The following TRIM2 variants were observed in gnomAD, a reference collection of about 807,000 sequenced individuals.
TRIM2 encodes the protein tripartite motif containing 2, also known as tripartite motif-containing protein 2.
A neutral mutation model predicts 75.2 loss-of-function variants in TRIM2; 20 were observed. The ratio of observed to expected loss-of-function variants is 0.27; its 90% CI spans 0.19 to 0.39. The LOEUF (loss-of-function observed/expected upper bound fraction) is 0.39, where lower values mean the gene tolerates loss of function less well. Ranked by LOEUF, TRIM2 falls within the 10% of genes least tolerant of loss-of-function variation. The pLI is 1.00. For synonymous variants in TRIM2, 373 were observed against 388.3 expected (o/e 0.96, Z 0.46); for missense variants, 660 against 990.8 (o/e 0.67, Z 4.48).
intron 1 of TRIM2, among the ~76,000 whole-genome samples, chr4:153,175,567 A>G (rs1218231509): frequency 6.6e-6 from 1 of 152,166 alleles, no homozygotes; most frequent in African/African-American, 2.4e-5. Flanking sequence ...GTTGAATAGC[A>G]GGAGGAAGGC....
At chr4:153,273,548 C>T (rs890502448) in intron 2 of TRIM2, among the ~76,000 whole-genome samples, 1 of 150,924 alleles carries the variant, frequency 6.6e-6, no homozygotes, top group African/African-American at 2.5e-5. Flanking sequence ...CCGCCTTGGC[C>T]TCCCAGAGTG....
chr4:153,166,505 C>T (rs574701497), intron 1 of TRIM2, among the ~76,000 whole-genome samples: 1 of 151,528 alleles, frequency 6.6e-6, no homozygotes, highest in Non-Finnish European at 1.5e-5. Context: ...CCCTCCCTCC[C>T]TCTTTTCTTT....
chr4:153,333,476 A>G (rs933563632), intron 11 of TRIM2, among the ~76,000 whole-genome samples: 5 of 152,334 alleles, frequency 3.3e-5, no homozygotes, highest in Non-Finnish European at 7.3e-5. Context: ...GTGTGGTACC[A>G]TAATTATAGA....
intron 3 of TRIM2, among the ~76,000 whole-genome samples, chr4:153,283,912 C>G (rs1185270854): frequency 7.1e-6 from 1 of 141,322 alleles, no homozygotes; most frequent in Non-Finnish European, 1.5e-5. Flanking sequence ...GCTCTGCTGC[C>G]CAGGCTGGAA....
At chr4:153,312,417 A>C (rs1258183398) in intron 6 of TRIM2, among the ~76,000 whole-genome samples, 1 of 152,084 alleles carries the variant, frequency 6.6e-6, no homozygotes, top group Non-Finnish European at 1.5e-5. Context: ...GACACTTCTC[A>C]AAAGAAGACA....
chr4:153,215,877 T>C (rs6851753), intron 1 of TRIM2, among the ~76,000 whole-genome samples: 1 of 152,232 alleles, frequency 6.6e-6, no homozygotes, highest in African/African-American at 2.4e-5. Context: ...TATTTGTTTT[T>C]TCATCTGTAA....
At chr4:153,226,416 C>T (rs1742141383) in intron 1 of TRIM2, among the ~76,000 whole-genome samples, 1 of 152,214 alleles carries the variant, frequency 6.6e-6, no homozygotes, top group Non-Finnish European at 1.5e-5. Context: ...GGTTTTGCTT[C>T]TGTCTTAACT....
At chr4:153,252,500 G>GA (rs745399741) in intron 1 of TRIM2, among the ~76,000 whole-genome samples, 1 of 152,184 alleles carries the variant, frequency 6.6e-6, no homozygotes, top group Non-Finnish European at 1.5e-5. Context: ...GGATCAAAGA[G>GA]AAAATCTATG....
At chr4:153,202,852 A>G (rs1002279210), upstream of TRIM2, among the ~76,000 whole-genome samples, 6 of 152,048 alleles carry the variant, frequency 3.9e-5, no homozygotes, top group Non-Finnish European at 5.9e-5. Flanking sequence ...CACACCTGTA[A>G]TCCCAGCACT....
intron 1 of TRIM2, among the ~76,000 whole-genome samples, chr4:153,158,656 G>A (rs1320458267): frequency 6.6e-6 from 1 of 152,132 alleles, no homozygotes; most frequent in African/African-American, 2.4e-5. Context: ...GTGTCAGGTG[G>A]AGTGCTAGAC....
chr4:153,244,153 GTTC>G lies in TRIM2; in HGVS notation c.31-26156_31-26154del, dbSNP rs751441750. The stretch of plus-strand genomic sequence containing the variant: ...TCTTCTTCTTCTTCTTGTTCTTCTT[GTTC>G]TTCTTCTTCTTCTTCTTCTTCTTCT... On this transcript the variant is annotated intron_variant, in intron 1 of 11. Coordinates refer to ENST00000338700, the MANE Select transcript of TRIM2 (RefSeq NM_015271.5). Among the ~76,000 whole-genome samples the G allele has an allele frequency of 7.2e-3, 804 of 111,354 alleles. 15 individuals carry two copies. Among genetic ancestry groups the G allele is most frequent in the South Asian group, 0.044 (117 of 2,656 alleles). 73.1% of individuals were successfully genotyped at this position (111,354 alleles called of 152,430 possible). A position where few individuals can be genotyped will look rare whatever the true frequency, so the allele number is the denominator to read the frequency against.
In TRIM2 at chr4:153,248,098, C is replaced by T. The variant is rs141910733; in HGVS notation, c.31-22237C>T. Among the ~76,000 whole-genome samples the T allele has an allele frequency of 9.4e-3, 1,410 of 150,460 alleles. 18 individuals are homozygous for T. Among genetic ancestry groups the T allele is most frequent in the African/African-American group, 0.03 (1,239 of 40,738 alleles). On this transcript the variant is annotated intron_variant, in intron 1 of 11. Coordinates refer to ENST00000338700, the MANE Select transcript of TRIM2 (RefSeq NM_015271.5). The surrounding 1 kb of genome is among the most constrained non-coding windows in gnomAD (Gnocchi z 4.0). The stretch of plus-strand genomic sequence containing the variant: ...GGCGCGTCCGCCTCTGGGATTCAAG[C>T]GATTCTTGTGCTTCAGCCTCCTGAA...
In TRIM2 at chr4:153,304,167, G is replaced by T. The variant is rs186269488; in HGVS notation, c.1510+8131G>T. On this transcript the variant is annotated intron_variant, in intron 6 of 11. Coordinates refer to ENST00000338700, the MANE Select transcript of TRIM2 (RefSeq NM_015271.5). Reference sequence around the variant, plus strand: ...CTTGCTCTGTTGCCCAGGCCGAAGTGCAGTGACATGATCTCAGCTCACTTT... The same window carrying T: ...CTTGCTCTGTTGCCCAGGCCGAAGTTCAGTGACATGATCTCAGCTCACTTT... Among the ~76,000 whole-genome samples, 259 of 152,168 alleles carry T rather than the reference G, an allele frequency of 1.7e-3. 1 individual carries two copies. The highest frequency in any genetic ancestry group is 3.1e-3 in the Non-Finnish European group (214 of 68,010).
chr4:153,238,651 T>G (rs1745643006), intron 1 of TRIM2, among the ~76,000 whole-genome samples: 1 of 152,164 alleles, frequency 6.6e-6, no homozygotes, highest in Admixed American at 6.5e-5. Context: ...TTTTAAGTCT[T>G]TTAAAGAAGA....
At chr4:153,204,420 T>C, upstream of TRIM2, 2 of 1,299,630 alleles carry the variant, frequency 1.5e-6, no homozygotes, top group East Asian at 2.5e-5. Context: ...GTTTATATTT[T>C]AGTAAGGGCC....
At chr4:153,305,918 C>T (rs527900911) in intron 6 of TRIM2, among the ~76,000 whole-genome samples, 9 of 152,182 alleles carry the variant, frequency 5.9e-5, no homozygotes, top group Admixed American at 2.0e-4. Context: ...GGGCAGATCA[C>T]GAGGTCAGGA....
intron 1 of TRIM2, among the ~76,000 whole-genome samples, chr4:153,235,549 G>A (rs1744807330): frequency 6.6e-6 from 1 of 152,162 alleles, no homozygotes. Context: ...GCCTCCCAAA[G>A]TGCTGGGATT....
intron 1 of TRIM2, among the ~76,000 whole-genome samples, chr4:153,154,806 G>C (rs866681575): frequency 1.4e-4 from 22 of 152,132 alleles, no homozygotes; most frequent in African/African-American, 5.3e-4. Flanking sequence ...ATTGATGTCT[G>C]TCTGCCTCAA....
chr4:153,320,121 C>T (rs1178689320), intron 8 of TRIM2, among the ~76,000 whole-genome samples: 1 of 152,160 alleles, frequency 6.6e-6, no homozygotes, highest in African/African-American at 2.4e-5. Flanking sequence ...TCCATTTAGA[C>T]ATGAAACAAC....
Sources: gnomAD v4.1 joint callset for allele counts (sites outside exome capture counted in the v4.1 genomes callset) on GRCh38, gnomAD v4.1.1 for gene constraint, Gnocchi (gnomAD v3.1) non-coding constraint, MANE v1.5 for transcripts, NCBI Gene and HGNC (gene_info 2026-07-23, HGNC 2026-07-21) for gene names.